The following FARP2 variants were observed in gnomAD, a reference collection of about 807,000 sequenced individuals.
The protein encoded by FARP2 is FERM, ARHGEF and pleckstrin domain-containing protein 2.
FARP2 carries 111 observed loss-of-function variants against 130.5 expected under a neutral mutation model. The ratio of observed to expected loss-of-function variants is 0.85; its 90% CI spans 0.73 to 1.00. The LOEUF (loss-of-function observed/expected upper bound fraction) is 1.00, where lower values mean the gene tolerates loss of function less well. FARP2 is among the 50% of genes least tolerant of loss of function. FARP2 has a pLI of 0.00. For missense variants in FARP2, 1,385 were observed against 1,346.3 expected (o/e 1.03, Z -0.45); for synonymous variants, 504 against 516.9 (o/e 0.98, Z 0.34).
chr2:241,458,058 G>T (rs1375390893), intron 14 of FARP2, among the ~76,000 whole-genome samples: 3 of 152,176 alleles, frequency 2.0e-5, no homozygotes, highest in African/African-American at 7.2e-5. Context: ...CTCACTGCTG[G>T]CAGGCACAGG....
At chr2:241,356,562 A>G (rs932591837) in intron 1 of FARP2, among the ~76,000 whole-genome samples, 174 bp downstream of exon 1, 1 of 152,042 alleles carries the variant, frequency 6.6e-6, no homozygotes, top group Non-Finnish European at 1.5e-5. Context: ...TGGAGCTCCT[A>G]GGCGGGTCCG....
chr2:241,451,718 C>T (rs886171501), intron 13 of FARP2, among the ~76,000 whole-genome samples: 16 of 152,218 alleles, frequency 1.1e-4, no homozygotes, highest in African/African-American at 3.9e-4. Context: ...TCTGTGGCAC[C>T]TAAAACTTGA....
At chr2:241,405,972 T>A (rs544840266) in intron 4 of FARP2, among the ~76,000 whole-genome samples, 117 of 151,718 alleles carry the variant, frequency 7.7e-4, no homozygotes, top group African/African-American at 2.1e-3. Context: ...AACTTTTTTT[T>A]AAAAAAAACT....
intron 13 of FARP2, among the ~76,000 whole-genome samples, chr2:241,454,229 G>A (rs1423399320): frequency 1.3e-5 from 2 of 152,026 alleles, no homozygotes; most frequent in East Asian, 3.9e-4. Flanking sequence ...CAACTTAAAG[G>A]CAGATTTTGC....
In FARP2 at chr2:241,361,177, A is replaced by G. The variant is rs566615151; in HGVS notation, c.-25+4789A>G. 2.8e-4 allele frequency among the ~76,000 whole-genome samples: 42 copies of G among 152,232 alleles called. 1 individual carries two copies. Among genetic ancestry groups the G allele is most frequent in the Admixed American group, 2.1e-3 (32 of 15,290 alleles). Reference sequence around the variant, plus strand: ...CAACTGGCTCCCTCCATTTCAAACCATGTTTCCTTTCCACTGCCCACACAC... The same window carrying G: ...CAACTGGCTCCCTCCATTTCAAACCGTGTTTCCTTTCCACTGCCCACACAC... On this transcript the variant is annotated intron_variant, in intron 1 of 26. Coordinates refer to ENST00000264042, the MANE Select transcript of FARP2 (RefSeq NM_014808.4).
At chr2:241,458,368 G>A (rs1016047653) in intron 14 of FARP2, among the ~76,000 whole-genome samples, 16 of 152,182 alleles carry the variant, frequency 1.1e-4, no homozygotes, top group African/African-American at 3.9e-4. Context: ...TTGGCCAGAG[G>A]ATATTCTGTC....
intron 25 of FARP2, 40 bp from the exon 26 acceptor site, chr2:241,493,253 A>G (rs1055943143): frequency 6.9e-6 from 11 of 1,605,084 alleles, no homozygotes; most frequent in Non-Finnish European, 9.4e-6. Context: ...CCCTGTGGCA[A>G]CCCAGCCCCT....
chr2:241,424,002 A>G (rs1295185970), intron 8 of FARP2, among the ~76,000 whole-genome samples: 1 of 152,212 alleles, frequency 6.6e-6, no homozygotes, highest in Non-Finnish European at 1.5e-5. Context: ...CCCACACAAT[A>G]ATAATAGGAG....
intron 1 of FARP2, among the ~76,000 whole-genome samples, chr2:241,362,012 A>T (rs889712971): frequency 6.6e-6 from 1 of 151,800 alleles, no homozygotes; most frequent in Non-Finnish European, 1.5e-5. Flanking sequence ...CTCCTGCCTC[A>T]GTCTCCCAAG....
intron 2 of FARP2, among the ~76,000 whole-genome samples, chr2:241,382,808 C>T (rs904668714): frequency 4.1e-4 from 62 of 152,144 alleles, no homozygotes; most frequent in African/African-American, 1.4e-3. Flanking sequence ...AGTAACATCT[C>T]CTGTTTAATA....
intron 18 of FARP2, among the ~76,000 whole-genome samples, chr2:241,471,088 TG>T (rs1159533736): frequency 6.8e-6 from 1 of 146,260 alleles, no homozygotes; most frequent in African/African-American, 2.5e-5. Context: ...CCCTGTTCTG[TG>T]GGGGATTCTG....
intron 6 of FARP2, 58 bp from the exon 7 acceptor site, chr2:241,413,249 A>C: frequency 9.8e-7 from 1 of 1,023,472 alleles, no homozygotes; most frequent in Non-Finnish European, 1.5e-6. Flanking sequence ...ATGCAATGAC[A>C]CATACAAATG....
chr2:241,466,874 C>A (rs2064186619), intron 17 of FARP2, among the ~76,000 whole-genome samples: 1 of 152,116 alleles, frequency 6.6e-6, no homozygotes, highest in Non-Finnish European at 1.5e-5. Flanking sequence ...TGTCAGTCCC[C>A]ATTCCTTTAT....
intron 24 of FARP2, chr2:241,492,645 G>A (rs2064963226): frequency 2.8e-6 from 1 of 356,130 alleles, no homozygotes; most frequent in Non-Finnish European, 5.1e-6. Context: ...TCTCTCTTCT[G>A]GCTGTTGGAT....
At chr2:241,478,548 C>T in intron 19 of FARP2, 1 of 448,102 alleles carries the variant, frequency 2.2e-6, no homozygotes, top group Non-Finnish European at 4.6e-6. Context: ...AAGGATGAAA[C>T]TGTTGCCTAT....
chr2:241,388,669 A>G (rs1445374107), intron 2 of FARP2, among the ~76,000 whole-genome samples: 1 of 152,198 alleles, frequency 6.6e-6, no homozygotes, highest in Admixed American at 6.5e-5. Context: ...TCCCGTCACT[A>G]CAAAAAAAAT....
In FARP2 at chr2:241,399,117, G is replaced by C. The variant is rs537428201; in HGVS notation, c.184-4711G>C. Among the ~76,000 whole-genome samples, 5 of 152,266 alleles carry C rather than the reference G, an allele frequency of 3.3e-5. No homozygotes were observed. The East Asian group carries it at 7.7e-4, about 23-fold the overall frequency. ...GGTGAGGGTCTAGTGGTATCTTATT[G>C]TGGTTTTAGTGTGCATTTCCTTGAT... On this transcript the variant is annotated intron_variant, in intron 2 of 26. Transcript: ENST00000264042.
chr2:241,453,726 C>T (rs897693811), intron 13 of FARP2, among the ~76,000 whole-genome samples: 11 of 146,942 alleles, frequency 7.5e-5, no homozygotes, highest in African/African-American at 2.8e-4. Flanking sequence ...AGTGGAGTGT[C>T]CTTCCTTTAT....
At chr2:241,466,648 C>T in intron 17 of FARP2, 2 of 981,768 alleles carry the variant, frequency 2.0e-6, no homozygotes, top group Non-Finnish European at 2.4e-6. Context: ...CCCCTCACCC[C>T]CAGGCAGCGG....
Sources: gnomAD v4.1 joint callset for allele counts (sites outside exome capture counted in the v4.1 genomes callset) on GRCh38, gnomAD v4.1.1 for gene constraint, MANE v1.5 for transcripts, NCBI Gene and HGNC (gene_info 2026-07-23, HGNC 2026-07-21) for gene names.